ARMH3: variants seen among roughly 807,000 people sequenced by gnomAD.
ARMH3 encodes armadillo-like helical domain-containing protein 3.
ARMH3 carries 60 observed loss-of-function variants against 99.1 expected under a neutral mutation model. That is an observed-to-expected ratio of 0.61 (90% CI 0.49 to 0.75). The LOEUF (loss-of-function observed/expected upper bound fraction) is 0.75, where lower values mean the gene tolerates loss of function less well. Ranked by LOEUF, ARMH3 falls within the 30% of genes least tolerant of loss-of-function variation. The pLI is 0.00. For synonymous variants in ARMH3, 285 were observed against 292.8 expected (o/e 0.97, Z 0.27); for missense variants, 679 against 843.1 (o/e 0.81, Z 2.41).
intron 23 of ARMH3, among the ~76,000 whole-genome samples, chr10:101,924,725 G>A (rs1024636297): frequency 1.3e-5 from 2 of 152,050 alleles, no homozygotes; most frequent in Non-Finnish European, 1.5e-5. Flanking sequence ...CAGGAGTAGC[G>A]GCTCATGCCT....
intron 23 of ARMH3, among the ~76,000 whole-genome samples, chr10:101,917,737 A>G (rs925507806): frequency 1.3e-5 from 2 of 152,182 alleles, no homozygotes; most frequent in Non-Finnish European, 2.9e-5. Context: ...TGGTCCATCA[A>G]TATCATTTCT....
intron 1 of ARMH3, among the ~76,000 whole-genome samples, chr10:102,055,336 TAAA>T (rs1265491893): frequency 6.6e-6 from 1 of 151,766 alleles, no homozygotes; most frequent in Non-Finnish European, 1.5e-5. Flanking sequence ...TAAAATAAAA[TAAA>T]AAACTTTCTG....
At chr10:101,848,991 A>G (rs1006974281) in intron 25 of ARMH3, among the ~76,000 whole-genome samples, 5 of 152,206 alleles carry the variant, frequency 3.3e-5, no homozygotes, top group Admixed American at 6.5e-5. Flanking sequence ...TGTGTTTAGC[A>G]CAAGACAAAC....
intron 20 of ARMH3, among the ~76,000 whole-genome samples, chr10:101,960,370 C>T (rs1479043528): frequency 1.3e-5 from 2 of 152,218 alleles, no homozygotes; most frequent in Non-Finnish European, 2.9e-5. Flanking sequence ...CCACTACACA[C>T]AGATTCTAGC....
rs553697721 is a variant in ARMH3 at position 101,873,073 on chromosome 10, G to A, written c.1860+16339C>T. On this transcript the variant is annotated intron_variant, in intron 24 of 25. Coordinates refer to ENST00000370033, the MANE Select transcript of ARMH3 (RefSeq NM_024541.3). ...GTGTAGTTGGAACTTTCGTATGTTC[G>A]TTGATTGGAATGAGAAATGGTAGAA... Among the ~76,000 whole-genome samples the A allele has an allele frequency of 1.1e-4, 16 of 151,992 alleles. 1 individual carries two copies. The South Asian group carries it at 2.9e-3, about 28-fold the overall frequency.
At chr10:101,937,822 G>A (rs985016702) in intron 23 of ARMH3, among the ~76,000 whole-genome samples, 1 of 152,130 alleles carries the variant, frequency 6.6e-6, no homozygotes, top group Non-Finnish European at 1.5e-5. Context: ...CCTTACTGTG[G>A]TGACATTCAA....
At chr10:102,034,365 G>A (rs1039096891) in intron 2 of ARMH3, among the ~76,000 whole-genome samples, 7 of 151,864 alleles carry the variant, frequency 4.6e-5, no homozygotes, top group East Asian at 3.9e-4. Flanking sequence ...GGCCAGGCAC[G>A]GTGGCCCATG....
chr10:101,873,863 C>T (rs1032184000), intron 24 of ARMH3, among the ~76,000 whole-genome samples: 7 of 152,096 alleles, frequency 4.6e-5, no homozygotes, highest in African/African-American at 1.7e-4. Context: ...GAATGAATCA[C>T]ACTTTGTTTA....
chr10:101,851,500 G>A (rs1292244401), intron 24 of ARMH3, among the ~76,000 whole-genome samples: 4 of 152,186 alleles, frequency 2.6e-5, no homozygotes. Flanking sequence ...ACACAGCTCT[G>A]ACAGAAGGGG....
intron 1 of ARMH3, among the ~76,000 whole-genome samples, chr10:102,050,517 T>C (rs1007267417): frequency 6.6e-6 from 1 of 152,118 alleles, no homozygotes; most frequent in African/African-American, 2.4e-5. Context: ...GTTACACTTC[T>C]ATAGAAACTC....
intron 23 of ARMH3, among the ~76,000 whole-genome samples, chr10:101,912,695 A>T (rs1438302443): frequency 6.6e-6 from 1 of 152,214 alleles, no homozygotes; most frequent in African/African-American, 2.4e-5. Flanking sequence ...TAGAACCTCC[A>T]GCATAATGCT....
At chr10:101,848,425 G>T (rs2066509889) in intron 25 of ARMH3, among the ~76,000 whole-genome samples, 1 of 152,152 alleles carries the variant, frequency 6.6e-6, no homozygotes, top group South Asian at 2.1e-4. Flanking sequence ...AGAGGAATCT[G>T]GCAGACTCTT....
At chr10:102,006,093 G>T (rs907513589) in intron 14 of ARMH3, among the ~76,000 whole-genome samples, 2 of 152,226 alleles carry the variant, frequency 1.3e-5, no homozygotes, top group African/African-American at 4.8e-5. Flanking sequence ...ACTAATCTTA[G>T]GCAAACTGCT....
intron 22 of ARMH3, among the ~76,000 whole-genome samples, chr10:101,948,361 C>G (rs1191867065): frequency 6.6e-6 from 1 of 152,042 alleles, no homozygotes; most frequent in Non-Finnish European, 1.5e-5. Context: ...TGTGAATAGC[C>G]ACTGTAGTCA....
At chr10:101,938,778 T>C (rs993626937) in intron 23 of ARMH3, among the ~76,000 whole-genome samples, 31 of 152,362 alleles carry the variant, frequency 2.0e-4, no homozygotes, top group Non-Finnish European at 1.0e-4. Flanking sequence ...ATGCATTTAT[T>C]TGTGAGATTT....
At position 102,049,729 on chromosome 10, in the gene ARMH3, A is replaced by C. The variant is rs540467577; in HGVS notation, c.-12+6356T>G. On this transcript the variant is annotated intron_variant, in intron 1 of 25. Coordinates refer to ENST00000370033, the MANE Select transcript of ARMH3 (RefSeq NM_024541.3). Reference sequence around the variant, plus strand: ...TGCCACCAGGCCTGGCTAACTTTTCATATTTTTTGTAGAGATTGAGTTTCA... The same window carrying C: ...TGCCACCAGGCCTGGCTAACTTTTCCTATTTTTTGTAGAGATTGAGTTTCA... Among the ~76,000 whole-genome samples, 3 of 151,424 alleles carry C rather than the reference A, an allele frequency of 2.0e-5. No homozygotes were observed. The East Asian group carries it at 5.9e-4, about 30-fold the overall frequency.
At chr10:101,989,138 G>C (rs1846651448) in intron 19 of ARMH3, among the ~76,000 whole-genome samples, 1 of 152,144 alleles carries the variant, frequency 6.6e-6, no homozygotes, top group African/African-American at 2.4e-5. Context: ...ATACATATTT[G>C]AGATCACATT....
At chr10:101,872,262 T>C (rs1210167571) in intron 24 of ARMH3, among the ~76,000 whole-genome samples, 1 of 152,014 alleles carries the variant, frequency 6.6e-6, no homozygotes, top group Non-Finnish European at 1.5e-5. Context: ...TGTGTGTGTG[T>C]GTGTGTGTGT....
intron 23 of ARMH3, among the ~76,000 whole-genome samples, chr10:101,924,452 C>T (rs1843425345): frequency 6.6e-6 from 1 of 150,924 alleles, no homozygotes; most frequent in Admixed American, 6.6e-5. Flanking sequence ...AGCTCCGCCT[C>T]CCAGGTTCAT....
Sources: gnomAD v4.1 joint callset for allele counts (sites outside exome capture counted in the v4.1 genomes callset) on GRCh38, gnomAD v4.1.1 for gene constraint, MANE v1.5 for transcripts, NCBI Gene and HGNC (gene_info 2026-07-23, HGNC 2026-07-21) for gene names.